Variants in MST1R observed in about 807,000 individuals in gnomAD.
MST1R encodes the protein macrophage stimulating 1 receptor.
A neutral mutation model predicts 117.8 loss-of-function variants in MST1R; 99 were observed. The observed-to-expected ratio is 0.84, with a 90% CI of 0.71 to 0.99. The LOEUF (loss-of-function observed/expected upper bound fraction) is 0.99, where lower values mean the gene tolerates loss of function less well. Ranked by LOEUF, MST1R falls within the 50% of genes least tolerant of loss-of-function variation. The pLI, the probability that MST1R is intolerant of heterozygous loss-of-function variation, is 0.00. For missense variants in MST1R, 1,683 were observed against 1,840.2 expected (o/e 0.91, Z 1.56); for synonymous variants, 734 against 765.3 (o/e 0.96, Z 0.68).
rs755692319 is a variant in MST1R, at chr3:49,887,082, A to G, written c.*225T>C. On this transcript the variant is annotated 3_prime_UTR_variant, in exon 20 of 20. Transcript: ENST00000296474. ...GGTCACTGCTGAGTCCACTGTGCCC[A>G]GAAGACAGGGTCCACAGCAGGCACT... The G allele has an allele frequency of 1.1e-5, 7 of 616,114 alleles. No homozygotes were observed. The highest frequency in any genetic ancestry group is 2.0e-5 in the Non-Finnish European group (7 of 351,766). The allele number at this position is 616,114 out of a possible 1,614,324, so 38.2% of individuals were successfully genotyped here. A position where few individuals can be genotyped will look rare whatever the true frequency, so the allele number is the denominator to read the frequency against.
Position 49,903,619 on chromosome 3 carries a change from C to G in MST1R, c.-10G>C, listed in dbSNP as rs772695731. On this transcript the variant is annotated 5_prime_UTR_variant, in exon 1 of 20. Transcript: ENST00000296474. ...GCGGGAGGAGCTCCATCGAGGCGAG[C>G]TGGGACCCTAGAGGATCCCTACCGG... The G allele has an allele frequency of 6.4e-7, 1 of 1,552,090 alleles. No individual in the cohort carries two copies. The highest frequency in any genetic ancestry group is 2.2e-5 in the East Asian group (1 of 44,596).
At chr3:49,900,226 G>A (rs916528182) in intron 1 of MST1R, among the ~76,000 whole-genome samples, 1 of 152,192 alleles carries the variant, frequency 6.6e-6, no homozygotes, top group African/African-American at 2.4e-5. Context: ...TACAGCCTGG[G>A]TGCCAGAACT....
In MST1R at chr3:49,902,958, T is replaced by TAG. The variant is rs1559485546; in HGVS notation, c.650_651dup (p.Ile218LeufsTer46). ...GAGGCGTCAGCCTTGAGACGCCTGA[T>TAG]AGACACTGAGCGTGGGCTGAAGCTG... On this transcript the variant is annotated frameshift_variant, in exon 1 of 20. Coordinates refer to ENST00000296474, the MANE Select transcript of MST1R (RefSeq NM_002447.4). LOFTEE classifies it high-confidence loss of function. The TAG allele has an allele frequency of 6.2e-7, 1 of 1,613,300 alleles. No individual in the cohort carries two copies. The highest frequency in any genetic ancestry group is 2.2e-5 in the East Asian group (1 of 44,894).
Position 49,895,207 on chromosome 3 carries a change from A to G in MST1R, c.3231T>C (p.His1077=), listed in dbSNP as rs772919204. 6.2e-6 allele frequency: 10 copies of G among 1,614,048 alleles called. No homozygotes were observed. Among genetic ancestry groups the G allele is most frequent in the African/African-American group, 5.3e-5 (4 of 74,930 alleles). The change falls in exon 14 of 20, where the codon CAT becomes CAC. Residue 1077 remains histidine, a synonymous_variant. Transcript: ENST00000296474. ...LAEVKDVLIP[H]ERVVTHSDRV... is the part of the protein sequence containing the mutation. ...GGTCACTGTGGGTGACCACCCGCTCATGGGGAATCAGCACATCCTTGACCT... is the reference window on the plus strand; with the variant it reads ...GGTCACTGTGGGTGACCACCCGCTCGTGGGGAATCAGCACATCCTTGACCT...
chr3:49,895,075 T>C, intron 14 of MST1R, 92 bp downstream of exon 14: 1 of 1,393,126 alleles, frequency 7.2e-7, no homozygotes, highest in Non-Finnish European at 1.0e-6. Flanking sequence ...CCTCCCAAAG[T>C]GCTGGGATTA....
Position 49,903,249 on chromosome 3 carries a change from T to C in MST1R, c.361A>G (p.Lys121Glu), listed in dbSNP as rs2082752637. The C allele has an allele frequency of 1.2e-6, 2 of 1,609,072 alleles. No homozygotes were observed. The highest frequency in any genetic ancestry group is 1.7e-6 in the Non-Finnish European group (2 of 1,179,970). ...AGCGCGGGATCCAGCACCAGCACCT[T>C]TGTGTCTGTGTCACCGGGAGGGCCG... ...PHGPPGDTDT[K>E]VLVLDPALPA... Residue 121 changes from lysine to glutamate, a missense_variant, in exon 1 of 20, where the codon AAG (lysine) becomes GAG (glutamate). By Grantham distance (56) the Lys-to-Glu change is moderately conservative. Coordinates refer to ENST00000296474, the MANE Select transcript of MST1R (RefSeq NM_002447.4).
Position 49,891,604 on chromosome 3 carries a change from A to G in MST1R, c.3353-24T>C, listed in dbSNP as rs1287584196. The stretch of plus-strand genomic sequence containing the variant: ...GCCTGCAGAGCAGCGCAAGTCAGGC[A>G]CAGGGCAGGGCGTCCCTTTATAAGG... On this transcript the variant is annotated intron_variant, in intron 15 of 19. Transcript: ENST00000296474. 3.7e-6 allele frequency: 6 copies of G among 1,613,094 alleles called. No individual in the cohort carries two copies. In the East Asian group the frequency reaches 1.3e-4, roughly 36 times the overall value.
Position 49,895,998 on chromosome 3 carries a change from G to C in MST1R, c.2759C>G (p.Pro920Arg), listed in dbSNP as rs2082457430. The C allele has an allele frequency of 4.4e-6, 7 of 1,589,664 alleles. No homozygotes were observed. Among genetic ancestry groups the C allele is most frequent in the Non-Finnish European group, 6.0e-6 (7 of 1,167,696 alleles). Residue 920 changes from proline to arginine, a missense_variant, in exon 11 of 20, where the codon CCA becomes CGA. Transcript: ENST00000296474. Reference sequence around the variant, plus strand: ...ACCATCCTGGCCAAGCTGCAGGGATGGGGGCAGGGGGCAGACAACCATGTC... The same window carrying C: ...ACCATCCTGGCCAAGCTGCAGGGATCGGGGCAGGGGGCAGACAACCATGTC... ...RGDMVVCPLP[P>R]SLQLGQDGAP...
intron 1 of MST1R, 110 bp downstream of exon 1, chr3:49,902,270 C>T (rs1007967935): frequency 1.6e-5 from 23 of 1,432,332 alleles, no homozygotes; most frequent in South Asian, 5.4e-5. Flanking sequence ...TGCTTCTTTC[C>T]GCCTGCCCCC....
At position 49,898,880 on chromosome 3, in the gene MST1R, G is replaced by A. The variant is rs1250976205; in HGVS notation, c.1535C>T (p.Ala512Val). Residue 512 changes from alanine to valine, a missense_variant, in exon 3 of 20, where the codon GCC becomes GTC. Coordinates refer to ENST00000296474, the MANE Select transcript of MST1R (RefSeq NM_002447.4). ...TGCCCACCTCACCTGGTCCCCAGAG[G>A]CAAAGAGTAGGTGGTCCCCAAGACG... ...VSRLGDHLLF[A>V]SGDQVFQVPI... The A allele has an allele frequency of 6.2e-7, 1 of 1,613,984 alleles. No homozygotes were observed. The highest frequency in any genetic ancestry group is 8.5e-7 in the Non-Finnish European group (1 of 1,180,038).
intron 1 of MST1R, among the ~76,000 whole-genome samples, chr3:49,900,800 C>T (rs1220331144): frequency 1.3e-5 from 2 of 152,182 alleles, no homozygotes; most frequent in African/African-American, 4.8e-5. Context: ...TCTACGTTCC[C>T]AGGCTTAGGT....
chr3:49,891,905 T>G, intron 14 of MST1R, 67 bp from the exon 15 acceptor site: 1 of 1,358,290 alleles, frequency 7.4e-7, no homozygotes, highest in Non-Finnish European at 1.1e-6. Context: ...CCACACATTC[T>G]CATTGGCAAC....
chr3:49,895,607 T>C (rs2082440467), intron 12 of MST1R, 59 bp from the exon 13 acceptor site: 4 of 1,611,558 alleles, frequency 2.5e-6, no homozygotes, highest in Non-Finnish European at 3.4e-6. Flanking sequence ...CCGACCCCTC[T>C]GGGGAGGACT....
rs544775621 is a variant in MST1R, at chr3:49,891,074, A to C, written c.3644+123T>G. The C allele has an allele frequency of 7.6e-6, 7 of 921,498 alleles. 1 individual carries two copies. The East Asian group carries it at 1.8e-4, about 23-fold the overall frequency. 57.1% of individuals were successfully genotyped at this position (921,498 alleles called of 1,614,324 possible). ...GTCCAAGTCTGCACTGGGCAGACAA[A>C]AAAAGTAAGGTGCAGAGAGGGGAGG... is the stretch of plus-strand genomic sequence containing the variant. On this transcript the variant is annotated intron_variant, in intron 17 of 19. Coordinates refer to ENST00000296474, the MANE Select transcript of MST1R (RefSeq NM_002447.4).
chr3:49,887,142 C>G lies in MST1R; in HGVS notation c.*165G>C, dbSNP rs1024142006. The G allele has an allele frequency of 1.1e-6, 1 of 932,130 alleles. No individual in the cohort carries two copies. Among genetic ancestry groups the G allele is most frequent in the South Asian group, 1.6e-5 (1 of 61,498 alleles). 57.7% of individuals were successfully genotyped at this position (932,130 alleles called of 1,614,324 possible). On this transcript the variant is annotated 3_prime_UTR_variant, in exon 20 of 20. Transcript: ENST00000296474. ...CATGTTGCAGGACTGCCCTCACTGG[C>G]TCACTCTGTGGAGTGAGGGACCTAA...
At chr3:49,889,079 T>C (rs532888359) in intron 19 of MST1R, among the ~76,000 whole-genome samples, 1 of 152,316 alleles carries the variant, frequency 6.6e-6, no homozygotes. Flanking sequence ...TTGGTCTCAA[T>C]TTCAGAAAAC....
At chr3:49,900,396 A>G (rs1248918286) in intron 1 of MST1R, among the ~76,000 whole-genome samples, 2 of 152,132 alleles carry the variant, frequency 1.3e-5, no homozygotes, top group Non-Finnish European at 2.9e-5. Flanking sequence ...CGAGGTGCAG[A>G]CGGGGCTCAG....
chr3:49,896,886 T>C lies in MST1R; in HGVS notation c.2188A>G (p.Ser730Gly), dbSNP rs1447912459. Residue 730 changes from serine to glycine, a missense_variant, in exon 8 of 20, where the codon AGT becomes GGT. Transcript: ENST00000296474. The part of the protein sequence containing the change: ...NGTECLLARV[S>G]EGQLLCATPP... ...GTGGCACATAAAAGCTGCCCCTCAC[T>C]GACCCTACAGGAACAAGAGATTGGG... is the stretch of plus-strand genomic sequence containing the variant. 1.3e-6 allele frequency: 2 copies of C among 1,514,536 alleles called. No individual in the cohort carries two copies. The highest frequency in any genetic ancestry group is 8.9e-7 in the Non-Finnish European group (1 of 1,129,016). The allele number at this position is 1,514,536 out of a possible 1,614,324, so 93.8% of individuals were successfully genotyped here. A position where few individuals can be genotyped will look rare whatever the true frequency, so the allele number is the denominator to read the frequency against.
chr3:49,900,178 A>AC (rs1185677103), intron 1 of MST1R, among the ~76,000 whole-genome samples: 1 of 151,436 alleles, frequency 6.6e-6, no homozygotes, highest in Non-Finnish European at 1.5e-5. Context: ...TGCTTCCTAT[A>AC]CCCCCCTTCA....
Sources: gnomAD v4.1 joint callset for allele counts (sites outside exome capture counted in the v4.1 genomes callset) on GRCh38, gnomAD v4.1.1 for gene constraint, MANE v1.5 for transcripts, NCBI Gene and HGNC (gene_info 2026-07-23, HGNC 2026-07-21) for gene names.